The following GTPBP10 variants were observed in gnomAD, a reference collection of about 807,000 sequenced individuals.
The protein encoded by GTPBP10 is GTP-binding protein 10.
Under a neutral mutation model 44.8 loss-of-function variants are expected in GTPBP10, and 38 were observed. The observed-to-expected ratio is 0.85, with a 90% confidence interval of 0.65 to 1.11. The LOEUF (loss-of-function observed/expected upper bound fraction) is 1.11, where lower values mean the gene tolerates loss of function less well. Among genes scored for constraint, GTPBP10 ranks in the 50% most tolerant of loss-of-function variants. The pLI is 0.00. For synonymous variants in GTPBP10, 152 were observed against 150.6 expected (o/e 1.01, Z -0.07); for missense variants, 462 against 453.7 (o/e 1.02, Z -0.17).
chr7:90,369,993 A>G (rs1417486665), intron 4 of GTPBP10, among the ~76,000 whole-genome samples: 1 of 152,178 alleles, frequency 6.6e-6, no homozygotes, highest in East Asian at 1.9e-4. Context: ...TATAATGGGC[A>G]TTGGAGACTC....
In GTPBP10 at chr7:90,355,154, A is replaced by C. The variant is rs537620709; in HGVS notation, c.388A>C (p.Asn130His). ...QGGLGGKLLT[N>H]FLPLKGQKRI... ...AGGTCTTGGTGGTAAATTACTTACA[A>C]ATTTCTTACCATTGAAAGGCCAGAA... The change falls in exon 4 of 10, where the codon AAT (asparagine) becomes CAT (histidine). Residue 130 changes from asparagine (N) to histidine (H), a missense_variant. Physicochemically the swap from Asn to His is moderately conservative, Grantham distance 68. Transcript: ENST00000222511. 6 of 1,606,884 alleles carry C rather than the reference A, an allele frequency of 3.7e-6. No individual in the cohort carries two copies. The highest frequency in any genetic ancestry group is 5.1e-6 in the Non-Finnish European group (6 of 1,175,100).
At position 90,390,466 on chromosome 7, in the gene GTPBP10, C is replaced by T; in HGVS notation, c.*5312C>T. On this transcript the variant is annotated 3_prime_UTR_variant, in exon 10 of 10. Coordinates refer to ENST00000222511, the MANE Select transcript of GTPBP10 (RefSeq NM_033107.4). ...GGGAGATTTCAGAGAAAGTAATCACCTTTGTATATATTATTAATGTGTTTA... is the reference window on the plus strand; with the variant it reads ...GGGAGATTTCAGAGAAAGTAATCACTTTTGTATATATTATTAATGTGTTTA... 6.6e-6 allele frequency: 1 copy of T among 152,024 alleles called. No homozygotes were observed. The allele number at this position is 152,024 out of a possible 1,614,324, so 9.4% of individuals were successfully genotyped here. A position where few individuals can be genotyped will look rare whatever the true frequency, so the allele number is the denominator to read the frequency against.
At chr7:90,356,303 A>AT (rs1795899957) in intron 4 of GTPBP10, among the ~76,000 whole-genome samples, 1 of 152,216 alleles carries the variant, frequency 6.6e-6, no homozygotes, top group African/African-American at 2.4e-5. Flanking sequence ...ATTTACATTT[A>AT]TTTTTTTCAA....
chr7:90,355,565 G>A (rs1010895667), intron 4 of GTPBP10, among the ~76,000 whole-genome samples: 3 of 151,964 alleles, frequency 2.0e-5, no homozygotes, highest in Admixed American at 6.6e-5. Context: ...CAAACAAACC[G>A]TATTATTATT....
chr7:90,362,782 G>C (rs1389428198), intron 4 of GTPBP10, among the ~76,000 whole-genome samples: 1 of 152,114 alleles, frequency 6.6e-6, no homozygotes, highest in South Asian at 2.1e-4. Context: ...CTCTTTGTAG[G>C]TCTCTAAGGA....
intron 6 of GTPBP10, among the ~76,000 whole-genome samples, chr7:90,375,868 G>A (rs547386326): frequency 4.6e-5 from 7 of 152,124 alleles, no homozygotes; most frequent in African/African-American, 1.4e-4. Context: ...TCTCTTGGGG[G>A]TAGGGCCTGG....
At chr7:90,379,162 C>T (rs1181528853) in intron 8 of GTPBP10, among the ~76,000 whole-genome samples, 1 of 152,216 alleles carries the variant, frequency 6.6e-6, no homozygotes, top group Non-Finnish European at 1.5e-5. Flanking sequence ...TGATTCTTCT[C>T]ACCACCTACA....
chr7:90,376,571 T>C (rs1292918215), intron 6 of GTPBP10, among the ~76,000 whole-genome samples: 1 of 152,136 alleles, frequency 6.6e-6, no homozygotes, highest in Non-Finnish European at 1.5e-5. Flanking sequence ...GTATAAACAA[T>C]AATGACCTAC....
intron 4 of GTPBP10, among the ~76,000 whole-genome samples, chr7:90,368,444 T>C (rs879593311): frequency 5.3e-5 from 8 of 152,234 alleles, no homozygotes; most frequent in Non-Finnish European, 1.2e-4. Context: ...AGATTTGGTC[T>C]TTTCACATAG....
chr7:90,364,932 T>C (rs1796101662), intron 4 of GTPBP10, among the ~76,000 whole-genome samples: 1 of 152,114 alleles, frequency 6.6e-6, no homozygotes, highest in Non-Finnish European at 1.5e-5. Flanking sequence ...CCAAGCCAGG[T>C]GCGGAATATA....
In GTPBP10 at chr7:90,354,494, T is replaced by G. The variant is rs42663; in HGVS notation, c.264T>G (p.Cys88Trp). Residue 88 changes from cysteine to tryptophan, a missense_variant, in exon 3 of 10, where the codon TGT becomes TGG. Physicochemically the swap from Cys to Trp is radical, Grantham distance 215 (BLOSUM62 -2). Transcript: ENST00000222511. ...SALKGSKGKD[C>W]EIPVPVGISV... ...TGAAAGGCTCCAAAGGAAAAGACTGTGAAATCCCTGTGCCTGTGGGTATTT... is the reference window on the plus strand; with the variant it reads ...TGAAAGGCTCCAAAGGAAAAGACTGGGAAATCCCTGTGCCTGTGGGTATTT... The G allele has an allele frequency of 0.8, 1,262,322 of 1,582,614 alleles. 504,910 individuals carry two copies. The highest frequency in any genetic ancestry group is 0.89 in the East Asian group (38,708 of 43,484).
chr7:90,365,368 C>T (rs1247296492), intron 4 of GTPBP10, among the ~76,000 whole-genome samples: 756 of 89,856 alleles, frequency 8.4e-3, no homozygotes, highest in Middle Eastern at 0.044. Flanking sequence ...TTGGGGTTTT[C>T]TTTTTTTTTT....
At chr7:90,360,812 C>T (rs185538234) in intron 4 of GTPBP10, among the ~76,000 whole-genome samples, 118 of 152,228 alleles carry the variant, frequency 7.8e-4, no homozygotes, top group East Asian at 7.3e-3. Flanking sequence ...TCTTTTATTT[C>T]GTTGAGCAGT....
Position 90,346,730 on chromosome 7 carries a change from C to G in GTPBP10, c.-12C>G. ...CCGCTTCCGCAAGAAGGTTTCCTGG[C>G]CTGTTGCAGCCATGGTGCATTGCAG... is the stretch of plus-strand genomic sequence containing the variant. On this transcript the variant is annotated 5_prime_UTR_variant, in exon 1 of 10. Transcript: ENST00000222511. 1 of 1,614,248 alleles carries G rather than the reference C, an allele frequency of 6.2e-7. No homozygotes were observed. The highest frequency in any genetic ancestry group is 8.5e-7 in the Non-Finnish European group (1 of 1,180,030).
intron 6 of GTPBP10, among the ~76,000 whole-genome samples, chr7:90,375,538 TTATAA>T (rs1323110047): frequency 2.6e-5 from 4 of 152,176 alleles, no homozygotes; most frequent in Middle Eastern, 3.2e-3. Flanking sequence ...ATAAAACCAG[TTATAA>T]TATAGAATGT....
At chr7:90,352,758 A>C in intron 1 of GTPBP10, 58 bp from the exon 2 acceptor site, 4 of 1,281,138 alleles carry the variant, frequency 3.1e-6, no homozygotes, top group Non-Finnish European at 4.2e-6. Context: ...GAACTAGAAA[A>C]AGGTTCTAAG....
At chr7:90,384,329 G>C (rs1796485548) in intron 9 of GTPBP10, among the ~76,000 whole-genome samples, 1 of 152,118 alleles carries the variant, frequency 6.6e-6, no homozygotes, top group Non-Finnish European at 1.5e-5. Context: ...CATGGTGACA[G>C]GGAAGAGGTA....
At chr7:90,384,817 A>G (rs901594076) in intron 9 of GTPBP10, 75 bp from the exon 10 acceptor site, 1 of 1,425,428 alleles carries the variant, frequency 7.0e-7, no homozygotes, top group Non-Finnish European at 9.4e-7. Flanking sequence ...TGCTTCACAA[A>G]TCAAACCATT....
chr7:90,350,338 T>C (rs545733671), intron 1 of GTPBP10, among the ~76,000 whole-genome samples: 8 of 152,318 alleles, frequency 5.3e-5, no homozygotes, highest in African/African-American at 1.7e-4. Flanking sequence ...GTCTTTGCTG[T>C]TGTGAATAGT....
Sources: gnomAD v4.1 joint callset for allele counts (sites outside exome capture counted in the v4.1 genomes callset) on GRCh38, gnomAD v4.1.1 for gene constraint, MANE v1.5 for transcripts, NCBI Gene and HGNC (gene_info 2026-07-23, HGNC 2026-07-21) for gene names.